Variants in PRTG observed in about 807,000 individuals in gnomAD.
The protein encoded by PRTG is immunoglobulin superfamily, DCC subclass, member 5.
A neutral mutation model predicts 122.5 loss-of-function variants in PRTG; 67 were observed. The ratio of observed to expected loss-of-function variants is 0.55; its 90% CI spans 0.45 to 0.67. PRTG has a LOEUF of 0.67. PRTG is among the 30% of genes least tolerant of loss of function. The pLI is 0.00. For missense variants in PRTG, 1,435 were observed against 1,415.4 expected (o/e 1.01, Z -0.22); for synonymous variants, 554 against 501.1 (o/e 1.11, Z -1.41).
chr15:55,648,545 C>T (rs1414174268), intron 11 of PRTG, among the ~76,000 whole-genome samples: 2 of 152,180 alleles, frequency 1.3e-5, no homozygotes, highest in Admixed American at 6.6e-5. Context: ...TTCTGTTCTC[C>T]ATCACTAGAT....
At chr15:55,668,677 C>A (rs1595633889) in intron 11 of PRTG, among the ~76,000 whole-genome samples, 1 of 152,090 alleles carries the variant, frequency 6.6e-6, no homozygotes, top group Non-Finnish European at 1.5e-5. Context: ...ACCCCACCAC[C>A]AAAGTAAACC....
At chr15:55,738,458 C>G in intron 2 of PRTG, 1 of 701,236 alleles carries the variant, frequency 1.4e-6, no homozygotes. Context: ...GCTTCATCTT[C>G]TCATGGCCTA....
rs145704687 is a variant in PRTG at position 55,644,241 on chromosome 15, A to T, written c.2042-3033T>A. On this transcript the variant is annotated intron_variant, in intron 11 of 19. Coordinates refer to ENST00000389286, the MANE Select transcript of PRTG (RefSeq NM_173814.6). Reference sequence around the variant, plus strand: ...TGCCAGAATACAGGAGATACAGAAAAGGAAGGATAGGACAGATGTGTCCTC... The same window carrying T: ...TGCCAGAATACAGGAGATACAGAAATGGAAGGATAGGACAGATGTGTCCTC... Among the ~76,000 whole-genome samples the T allele has an allele frequency of 2.7e-4, 41 of 152,356 alleles. No homozygotes were observed. In the East Asian group the frequency reaches 7.7e-3, roughly 29 times the overall value.
At chr15:55,649,461 C>T (rs1182906076) in intron 11 of PRTG, among the ~76,000 whole-genome samples, 7 of 151,838 alleles carry the variant, frequency 4.6e-5, no homozygotes, top group African/African-American at 9.7e-5. Flanking sequence ...TTGAGTACAA[C>T]AACAACAACA....
intron 2 of PRTG, among the ~76,000 whole-genome samples, chr15:55,722,362 G>A (rs1226251744): frequency 6.6e-6 from 1 of 152,110 alleles, no homozygotes; most frequent in African/African-American, 2.4e-5. Context: ...TCATTCTCAA[G>A]ATCTAGCAAG....
At chr15:55,671,455 T>A (rs556373349) in intron 11 of PRTG, among the ~76,000 whole-genome samples, 1 of 152,372 alleles carries the variant, frequency 6.6e-6, no homozygotes, top group Non-Finnish European at 1.5e-5. Flanking sequence ...TATACCTTGA[T>A]GAGTTTATGT....
chr15:55,657,901 C>G (rs1159519025), intron 11 of PRTG, among the ~76,000 whole-genome samples: 1 of 152,010 alleles, frequency 6.6e-6, no homozygotes, highest in Non-Finnish European at 1.5e-5. Flanking sequence ...AAAATTCAGA[C>G]AAGCCAAAAA....
At chr15:55,707,462 G>A (rs2030176610) in intron 2 of PRTG, among the ~76,000 whole-genome samples, 1 of 152,194 alleles carries the variant, frequency 6.6e-6, no homozygotes, top group Admixed American at 6.5e-5. Context: ...GTAGGAAATA[G>A]GCTATATTAG....
chr15:55,693,585 AAG>A (rs2059616812), intron 2 of PRTG, among the ~76,000 whole-genome samples: 1 of 152,186 alleles, frequency 6.6e-6, no homozygotes, highest in African/African-American at 2.4e-5. Context: ...CATAGCCTTG[AAG>A]GTAAGAGTAC....
At chr15:55,656,785 G>A (rs1251503655) in intron 11 of PRTG, among the ~76,000 whole-genome samples, 1 of 152,228 alleles carries the variant, frequency 6.6e-6, no homozygotes, top group African/African-American at 2.4e-5. Context: ...TGGGATTACA[G>A]GCATGAGCCT....
At chr15:55,626,142 G>A (rs1213331860) in intron 17 of PRTG, among the ~76,000 whole-genome samples, 3 of 152,166 alleles carry the variant, frequency 2.0e-5, no homozygotes, top group East Asian at 1.9e-4. Flanking sequence ...TAGGCCGGGC[G>A]CGGTGGCTCA....
At chr15:55,737,741 GAGACCA>G (rs2031455200) in intron 2 of PRTG, among the ~76,000 whole-genome samples, 1 of 151,920 alleles carries the variant, frequency 6.6e-6, no homozygotes, top group South Asian at 2.1e-4. Flanking sequence ...CCTAAGTTTA[GAGACCA>G]AGACTTGATT....
chr15:55,678,038 C>A lies in PRTG; in HGVS notation c.1140G>T (p.Leu380Phe). The A allele has an allele frequency of 6.4e-7, 1 of 1,573,570 alleles. No individual in the cohort carries two copies. Among genetic ancestry groups the A allele is most frequent in the South Asian group, 1.1e-5 (1 of 87,568 alleles). ...CTTCAGGAATAATCTGGTTAATTAC[C>A]AATTTACTAGGGAAAGAAAAAAAAT... ...NGRIKMYNSK[L>F]VINQIIPEDD... is the part of the protein sequence containing the mutation. The change falls in exon 8 of 20, where the codon TTG becomes TTT. Residue 380 changes from leucine (L) to phenylalanine (F), a missense_variant. Transcript: ENST00000389286.
intron 2 of PRTG, among the ~76,000 whole-genome samples, chr15:55,718,463 C>A (rs1267100656): frequency 6.6e-6 from 1 of 152,042 alleles, no homozygotes; most frequent in Non-Finnish European, 1.5e-5. Context: ...TGACCCCCAC[C>A]CCTGCCAGCC....
chr15:55,695,253 C>T (rs969962776), intron 2 of PRTG, among the ~76,000 whole-genome samples: 3 of 152,102 alleles, frequency 2.0e-5, no homozygotes, highest in Non-Finnish European at 2.9e-5. Context: ...TTAAGTAATA[C>T]GCTATGCATG....
At chr15:55,708,393 G>A (rs577469435) in intron 2 of PRTG, among the ~76,000 whole-genome samples, 1 of 152,180 alleles carries the variant, frequency 6.6e-6, no homozygotes, top group East Asian at 1.9e-4. Flanking sequence ...TGGATCATGA[G>A]GTCAGGAGTT....
intron 17 of PRTG, among the ~76,000 whole-genome samples, chr15:55,626,380 G>C (rs1203592677): frequency 6.6e-6 from 1 of 151,452 alleles, no homozygotes; most frequent in Non-Finnish European, 1.5e-5. Flanking sequence ...CTGCACTCCA[G>C]CCTGGGCGAC....
intron 2 of PRTG, among the ~76,000 whole-genome samples, chr15:55,691,296 CAAAAAA>C (rs59129695): frequency 1.2e-5 from 1 of 82,836 alleles, no homozygotes; most frequent in African/African-American, 3.6e-5. Context: ...AACTCTGTTT[CAAAAAA>C]AAAAAAAAAA....
chr15:55,725,899 G>A (rs1434841013), intron 2 of PRTG, among the ~76,000 whole-genome samples: 3 of 152,064 alleles, frequency 2.0e-5, no homozygotes, highest in African/African-American at 7.2e-5. Context: ...AGCCTCCGGA[G>A]TAGCTGAGAT....
Sources: gnomAD v4.1 joint callset for allele counts (sites outside exome capture counted in the v4.1 genomes callset) on GRCh38, gnomAD v4.1.1 for gene constraint, MANE v1.5 for transcripts, NCBI Gene and HGNC (gene_info 2026-07-23, HGNC 2026-07-21) for gene names.